Variants in TCL1A observed in about 807,000 individuals in gnomAD.
TCL1A encodes TCL1 family AKT coactivator A.
TCL1A carries 9 observed loss-of-function variants against 16.9 expected under a neutral mutation model. That is an observed-to-expected ratio of 0.53 (90% CI 0.32 to 0.93). The LOEUF (loss-of-function observed/expected upper bound fraction) is 0.93. TCL1A is among the 40% of genes least tolerant of loss of function. The pLI is 0.04. For synonymous variants in TCL1A, 69 were observed against 63.2 expected (o/e 1.09, Z -0.44); for missense variants, 139 against 153.0 (o/e 0.91, Z 0.48).
intron 2 of TCL1A, 134 bp from the exon 3 acceptor site, chr14:95,711,936 A>G: frequency 8.7e-7 from 1 of 1,146,944 alleles, no homozygotes; most frequent in Non-Finnish European, 1.2e-6. Flanking sequence ...GGGCTCTTGG[A>G]GACTGCCCCT....
chr14:95,713,605 T>G (rs142526263), intron 1 of TCL1A, among the ~76,000 whole-genome samples: 1 of 152,268 alleles, frequency 6.6e-6, no homozygotes. Flanking sequence ...CCTGAGATGA[T>G]TCCGATAATC....
chr14:95,713,792 T>G (rs577156857), intron 1 of TCL1A, among the ~76,000 whole-genome samples, 155 bp downstream of exon 1: 1 of 152,334 alleles, frequency 6.6e-6, no homozygotes, highest in African/African-American at 2.4e-5. Flanking sequence ...AGAACTCCTA[T>G]TCATCCTCCA....
At chr14:95,712,510 C>G in intron 1 of TCL1A, 114 bp from the exon 2 acceptor site, 1 of 1,500,636 alleles carries the variant, frequency 6.7e-7, no homozygotes, top group Non-Finnish European at 8.8e-7. Context: ...GGCAGGGGTC[C>G]GAGTGTGAAA....
rs764191158 is a variant in TCL1A at position 95,714,113 on chromosome 14, C to T, written c.-47G>A. 1.2e-6 allele frequency: 2 copies of T among 1,605,602 alleles called. No individual in the cohort carries two copies. Among genetic ancestry groups the T allele is most frequent in the Non-Finnish European group, 1.7e-6 (2 of 1,177,486 alleles). ...AAGCAAGAGCCAGAGCCTCTCAAGGCCGCTCGCTGGTCCCTGGGATGTGGG... is the reference window on the plus strand; with the variant it reads ...AAGCAAGAGCCAGAGCCTCTCAAGGTCGCTCGCTGGTCCCTGGGATGTGGG... On this transcript the variant is annotated 5_prime_UTR_variant, in exon 1 of 4. Transcript: ENST00000402399.
intron 1 of TCL1A, among the ~76,000 whole-genome samples, chr14:95,713,497 A>G (rs571564756): frequency 1.3e-5 from 2 of 152,344 alleles, no homozygotes; most frequent in Non-Finnish European, 1.5e-5. Context: ...GCCCAGAGGT[A>G]GTGGAAAATA....
rs1886326374 is a variant in TCL1A at position 95,710,745 on chromosome 14, T to G, written c.*143A>C. ...CCCTGGGTAGAGCTCATCCTCTGTC[T>G]GTCCATTCCTCCCAGACCCCAGCGT... On this transcript the variant is annotated 3_prime_UTR_variant, in exon 4 of 4. Coordinates refer to ENST00000402399, the MANE Select transcript of TCL1A (RefSeq NM_021966.3). 1 of 152,466 alleles carries G rather than the reference T, an allele frequency of 6.6e-6. No individual in the cohort carries two copies. Among genetic ancestry groups the G allele is most frequent in the Non-Finnish European group, 1.5e-5 (1 of 68,274 alleles). 9.4% of individuals were successfully genotyped at this position (152,466 alleles called of 1,614,324 possible).
At chr14:95,713,753 C>A (rs1334822479) in intron 1 of TCL1A, among the ~76,000 whole-genome samples, 194 bp downstream of exon 1, 1 of 152,054 alleles carries the variant, frequency 6.6e-6, no homozygotes, top group Non-Finnish European at 1.5e-5. Flanking sequence ...CATTCCTTTG[C>A]GGTTTTCCCA....
rs1426248260 is a variant in TCL1A, at chr14:95,712,235, T to C, written c.282A>G (p.Leu94=). 6.2e-7 allele frequency: 1 copy of C among 1,614,092 alleles called. No individual in the cohort carries two copies. The highest frequency in any genetic ancestry group is 1.7e-5 in the Admixed American group (1 of 60,022). The part of the protein sequence containing the change: ...YRSSDSSFWR[L]VYHIKIDGVE... ...AGACACTCACCTTGATGTGGTACAC[T>C]AAGCGCCAGAAACTGGAGTCTGAGG... is the stretch of plus-strand genomic sequence containing the variant. The change falls in exon 2 of 4, where the codon TTA becomes TTG. Residue 94 remains leucine (L), a synonymous_variant. Coordinates refer to ENST00000402399, the MANE Select transcript of TCL1A (RefSeq NM_021966.3).
At position 95,709,971 on chromosome 14, in the gene TCL1A, T is replaced by C. The variant is rs1566745625; in HGVS notation, c.*917A>G. On this transcript the variant is annotated 3_prime_UTR_variant, in exon 4 of 4. Transcript: ENST00000402399. ...CTCCAAAGGAAAATAAATAAATCCATGAATATTTTTTATTTGGGGGCTGCC... is the reference window on the plus strand; with the variant it reads ...CTCCAAAGGAAAATAAATAAATCCACGAATATTTTTTATTTGGGGGCTGCC... 6.6e-6 allele frequency: 1 copy of C among 152,212 alleles called. No individual in the cohort carries two copies. The highest frequency in any genetic ancestry group is 2.4e-5 in the African/African-American group (1 of 41,448). The allele number at this position is 152,212 out of a possible 1,614,324, so 9.4% of individuals were successfully genotyped here. A position where few individuals can be genotyped will look rare whatever the true frequency, so the allele number is the denominator to read the frequency against.
intron 3 of TCL1A, chr14:95,711,483 C>G (rs1355075955): frequency 5.4e-6 from 2 of 367,586 alleles, no homozygotes; most frequent in African/African-American, 2.2e-5. Flanking sequence ...AAAAAAAAAG[C>G]AATGGTAAAT....
intron 1 of TCL1A, among the ~76,000 whole-genome samples, chr14:95,713,669 A>T (rs115762343): frequency 6.6e-6 from 1 of 152,336 alleles, no homozygotes; most frequent in African/African-American, 2.4e-5. Flanking sequence ...TAGGACCCCG[A>T]AGCCCAGAAA....
At position 95,710,382 on chromosome 14, in the gene TCL1A, G is replaced by A. The variant is rs540579476; in HGVS notation, c.*506C>T. On this transcript the variant is annotated 3_prime_UTR_variant, in exon 4 of 4. Transcript: ENST00000402399. Reference sequence around the variant, plus strand: ...GCAGGCGTGTTTACGGGCAGGCAGCGTTTGCAGGCGTGTTTACCGGCAGGC... The same window carrying A: ...GCAGGCGTGTTTACGGGCAGGCAGCATTTGCAGGCGTGTTTACCGGCAGGC... 249 of 157,396 alleles carry A rather than the reference G, an allele frequency of 1.6e-3. 1 individual carries two copies. Among genetic ancestry groups the A allele is most frequent in the African/African-American group, 4.8e-3 (198 of 41,618 alleles). 9.7% of individuals were successfully genotyped at this position (157,396 alleles called of 1,614,324 possible).
At chr14:95,712,627 C>G in intron 1 of TCL1A, 1 of 1,477,600 alleles carries the variant, frequency 6.8e-7, no homozygotes, top group South Asian at 1.2e-5. Context: ...GTCTAGCCAC[C>G]CAGACAGGGC....
At chr14:95,712,152 C>T (rs1886372544) in intron 2 of TCL1A, 68 bp downstream of exon 2, 2 of 1,583,336 alleles carry the variant, frequency 1.3e-6, no homozygotes, top group South Asian at 2.2e-5. Flanking sequence ...AGATAAACCA[C>T]TAAGGCCAGA....
At chr14:95,712,677 C>T (rs1408580179) in intron 1 of TCL1A, 2 of 1,389,022 alleles carry the variant, frequency 1.4e-6, no homozygotes, top group South Asian at 2.4e-5. Flanking sequence ...TGCAGCGGCT[C>T]ACACTTGTAA....
chr14:95,712,437 C>A, intron 1 of TCL1A, 41 bp from the exon 2 acceptor site: 1 of 1,553,818 alleles, frequency 6.4e-7, no homozygotes, highest in South Asian at 1.2e-5. Context: ...TCAGGTTCCG[C>A]TTGCCAGGGC....
chr14:95,711,134 T>C (rs1886336201), intron 3 of TCL1A, among the ~76,000 whole-genome samples: 2 of 152,090 alleles, frequency 1.3e-5, no homozygotes, highest in African/African-American at 4.8e-5. Flanking sequence ...CTGGCTCAGC[T>C]GATATAATCA....
chr14:95,714,009 C>A lies in TCL1A; in HGVS notation c.58G>T (p.Ala20Ser). ...TCCAAATACACGAACTTCTCCCAGG[C>A]CCACAGGCGGTCCGGGTGGTCGGTG... ...AVTDHPDRLW[A>S]WEKFVYLDEK... The change falls in exon 1 of 4, where the codon GCC becomes TCC. Residue 20 changes from alanine (A) to serine (S), a missense_variant. Coordinates refer to ENST00000402399, the MANE Select transcript of TCL1A (RefSeq NM_021966.3). 1.2e-6 allele frequency: 2 copies of A among 1,614,148 alleles called. No homozygotes were observed. Among genetic ancestry groups the A allele is most frequent in the African/African-American group, 2.7e-5 (2 of 75,076 alleles).
At chr14:95,711,701 G>T (rs1327595877) in intron 3 of TCL1A, 48 bp downstream of exon 3, 1 of 1,601,096 alleles carries the variant, frequency 6.2e-7, no homozygotes, top group East Asian at 2.2e-5. Context: ...CTTTCTTTCT[G>T]ATACAGCCAC....
Sources: gnomAD v4.1 joint callset for allele counts (sites outside exome capture counted in the v4.1 genomes callset) on GRCh38, gnomAD v4.1.1 for gene constraint, MANE v1.5 for transcripts, NCBI Gene and HGNC (gene_info 2026-07-23, HGNC 2026-07-21) for gene names.